Variants in SPHKAP observed in about 807,000 individuals in gnomAD.
SPHKAP encodes the protein SPHK1 interactor, AKAP domain containing.
A neutral mutation model predicts 137.5 loss-of-function variants in SPHKAP; 67 were observed. The observed-to-expected ratio is 0.49, with a 90% confidence interval of 0.40 to 0.60. SPHKAP has a LOEUF of 0.60. Ranked by LOEUF, SPHKAP falls within the 20% of genes least tolerant of loss-of-function variation. The pLI is 0.00. For missense variants in SPHKAP, 2,097 were observed against 2,069.3 expected, an observed-to-expected ratio of 1.01 and a Z score of -0.26; for synonymous variants, 813 against 785.3, an observed-to-expected ratio of 1.04 and a Z score of -0.59.
At chr2:228,073,254 T>A (rs962863671) in intron 3 of SPHKAP, among the ~76,000 whole-genome samples, 2 of 152,214 alleles carry the variant, frequency 1.3e-5, no homozygotes. Context: ...ATGCCACATA[T>A]GAATTACAGA....
intron 3 of SPHKAP, among the ~76,000 whole-genome samples, chr2:228,032,491 G>C (rs1327460279): frequency 6.6e-6 from 1 of 152,156 alleles, no homozygotes; most frequent in East Asian, 1.9e-4. Flanking sequence ...CCCCAATCTA[G>C]CAAGGCAGGC....
At chr2:228,163,203 C>T (rs12465384) in intron 1 of SPHKAP, among the ~76,000 whole-genome samples, 21,772 of 152,116 alleles carry the variant, frequency 0.14, 1,588 homozygotes, top group East Asian at 0.2. Flanking sequence ...GGATTACCAA[C>T]ACAACCCAAT....
intron 3 of SPHKAP, among the ~76,000 whole-genome samples, chr2:228,036,125 T>C (rs10176419): frequency 0.37 from 53,080 of 144,706 alleles, 9,925 homozygotes; most frequent in Middle Eastern, 0.49. Flanking sequence ...ATTTTTGCAA[T>C]CTACTCATCT....
intron 4 of SPHKAP, chr2:228,025,778 A>G (rs1574765845): frequency 2.5e-6 from 2 of 801,572 alleles, no homozygotes; most frequent in East Asian, 2.5e-4. Flanking sequence ...AAGTAAACAT[A>G]AAGTAAACAT....
intron 3 of SPHKAP, among the ~76,000 whole-genome samples, chr2:228,054,258 T>C (rs1430108700): frequency 6.6e-6 from 1 of 152,168 alleles, no homozygotes; most frequent in African/African-American, 2.4e-5. Flanking sequence ...GGAAAAATCC[T>C]GAATTGTTTC....
intron 3 of SPHKAP, among the ~76,000 whole-genome samples, chr2:228,097,777 G>A (rs896286477): frequency 6.6e-6 from 1 of 152,064 alleles, no homozygotes; most frequent in Non-Finnish European, 1.5e-5. Context: ...CAGGACAAAG[G>A]CCTCCAGCTA....
chr2:228,091,322 T>C (rs1300017487), intron 3 of SPHKAP, among the ~76,000 whole-genome samples: 2 of 152,136 alleles, frequency 1.3e-5, no homozygotes, highest in Non-Finnish European at 2.9e-5. Flanking sequence ...TTCTAGAAGA[T>C]AACATTGGAA....
At chr2:228,024,250 A>G (rs1694945081) in intron 5 of SPHKAP, among the ~76,000 whole-genome samples, 1 of 152,046 alleles carries the variant, frequency 6.6e-6, no homozygotes, top group South Asian at 2.1e-4. Context: ...GTCAATACCA[A>G]TTTTCATAGA....
intron 1 of SPHKAP, among the ~76,000 whole-genome samples, chr2:228,142,910 A>G (rs1249631330): frequency 6.6e-6 from 1 of 152,170 alleles, no homozygotes; most frequent in Non-Finnish European, 1.5e-5. Flanking sequence ...CATTCATATG[A>G]CATTTCTGAA....
In SPHKAP at chr2:228,092,133, G is replaced by GTATATA. The variant is rs147836274; in HGVS notation, c.246+16698_246+16699insTATATA. On this transcript the variant is annotated intron_variant, in intron 3 of 11. Transcript: ENST00000392056. ...TACACATATATACATATACGTATATGTGTGTACACATATATACATATACAT... is the reference window on the plus strand; with the variant it reads ...TACACATATATACATATACGTATATGTATATATGTGTACACATATATACATATACAT... Among the ~76,000 whole-genome samples the GTATATA allele has an allele frequency of 5.4e-3, 762 of 140,802 alleles. 9 individuals are homozygous for GTATATA. Among genetic ancestry groups the GTATATA allele is most frequent in the African/African-American group, 0.018 (675 of 37,966 alleles). The allele number at this position is 140,802 out of a possible 152,430, so 92.4% of individuals were successfully genotyped here.
At chr2:228,058,813 C>T (rs1197893096) in intron 3 of SPHKAP, among the ~76,000 whole-genome samples, 1 of 152,204 alleles carries the variant, frequency 6.6e-6, no homozygotes, top group African/African-American at 2.4e-5. Context: ...TTTGAATTTA[C>T]ATGTAGCATA....
rs553673241 is a variant in SPHKAP at position 227,993,849 on chromosome 2, GAAT to G, written c.4635-232_4635-230del. Among the ~76,000 whole-genome samples the G allele has an allele frequency of 5.3e-5, 8 of 152,212 alleles. No individual in the cohort carries two copies. The East Asian group carries it at 1.3e-3, about 26-fold the overall frequency. On this transcript the variant is annotated intron_variant, in intron 8 of 11. Coordinates refer to ENST00000392056, the MANE Select transcript of SPHKAP (RefSeq NM_001142644.2). Reference sequence around the variant, plus strand: ...AATAATAATACTACTAATAATTTGTGAATAATAATAAGTTGTGATACCACTTTC... The same window carrying G: ...AATAATAATACTACTAATAATTTGTGAATAATAAGTTGTGATACCACTTTC...
chr2:228,134,606 C>A (rs898847939), intron 1 of SPHKAP, among the ~76,000 whole-genome samples: 3 of 152,158 alleles, frequency 2.0e-5, no homozygotes, highest in African/African-American at 7.2e-5. Context: ...AAAGGCCGAA[C>A]AGCTATTATT....
intron 1 of SPHKAP, among the ~76,000 whole-genome samples, chr2:228,155,533 C>T (rs1039382296): frequency 6.6e-6 from 1 of 152,114 alleles, no homozygotes; most frequent in African/African-American, 2.4e-5. Context: ...CTCCTGGAAA[C>T]CACATTTCAT....
intron 1 of SPHKAP, among the ~76,000 whole-genome samples, chr2:228,140,117 G>T (rs947235363): frequency 6.6e-6 from 1 of 151,492 alleles, no homozygotes; most frequent in African/African-American, 2.4e-5. Flanking sequence ...GCTAATTTTT[G>T]TATTCTGTAT....
At chr2:228,030,297 A>G (rs1486126006) in intron 3 of SPHKAP, among the ~76,000 whole-genome samples, 1 of 151,972 alleles carries the variant, frequency 6.6e-6, no homozygotes, top group Non-Finnish European at 1.5e-5. Flanking sequence ...GGGCGGATCA[A>G]GAGGTCAAGA....
At chr2:227,997,803 G>A (rs116768648) in intron 7 of SPHKAP, among the ~76,000 whole-genome samples, 3,517 of 152,196 alleles carry the variant, frequency 0.023, 151 homozygotes, top group African/African-American at 0.08. Flanking sequence ...TATAATATTC[G>A]TTATTAAGAG....
chr2:228,125,295 A>G (rs1387637976), intron 2 of SPHKAP, among the ~76,000 whole-genome samples: 4 of 152,342 alleles, frequency 2.6e-5, no homozygotes, highest in Admixed American at 2.0e-4. Flanking sequence ...ATGCTTTCAG[A>G]GGAAAGGAAA....
chr2:228,021,255 G>A (rs1559352607), intron 6 of SPHKAP, among the ~76,000 whole-genome samples: 1 of 152,146 alleles, frequency 6.6e-6, no homozygotes, highest in African/African-American at 2.4e-5. Context: ...TCCCAAATTA[G>A]ACAAACAAAC....
Sources: gnomAD v4.1 joint callset for allele counts (sites outside exome capture counted in the v4.1 genomes callset) on GRCh38, gnomAD v4.1.1 for gene constraint, MANE v1.5 for transcripts, NCBI Gene and HGNC (gene_info 2026-07-23, HGNC 2026-07-21) for gene names.